The following BICD1 variants were observed in gnomAD, a reference collection of about 807,000 sequenced individuals.
BICD1 encodes protein bicaudal D homolog 1.
Under a neutral mutation model 92.5 loss-of-function variants are expected in BICD1, and 35 were observed. That is an observed-to-expected ratio of 0.38 (90% confidence interval 0.29 to 0.50). BICD1 has a LOEUF of 0.50. Among genes scored for constraint, BICD1 ranks in the 20% least tolerant of loss-of-function variants. The pLI is 0.93. For synonymous variants in BICD1, 429 were observed against 465.1 expected (o/e 0.92, Z 1.00); for missense variants, 950 against 1,189.8 (o/e 0.80, Z 2.97).
intron 2 of BICD1, among the ~76,000 whole-genome samples, chr12:32,285,134 C>T (rs1355102801): frequency 1.3e-5 from 2 of 152,150 alleles, no homozygotes; most frequent in Non-Finnish European, 2.9e-5. Context: ...CCTCTATCTC[C>T]ATTTAGTTAA....
chr12:32,304,060 C>T (rs1054436435), intron 3 of BICD1, among the ~76,000 whole-genome samples: 3 of 150,144 alleles, frequency 2.0e-5, no homozygotes, highest in East Asian at 1.9e-4. Context: ...GGCGACAGAG[C>T]GAGACTCCGT....
chr12:32,259,799 T>C (rs1313890586), intron 2 of BICD1, among the ~76,000 whole-genome samples: 1 of 152,166 alleles, frequency 6.6e-6, no homozygotes, highest in Non-Finnish European at 1.5e-5. Flanking sequence ...AGTCAATATT[T>C]GTGAACAAGA....
intron 4 of BICD1, among the ~76,000 whole-genome samples, chr12:32,308,965 AT>A (rs963804751): frequency 3.3e-5 from 5 of 151,486 alleles, no homozygotes; most frequent in Non-Finnish European, 7.4e-5. Context: ...CTAACTGTAA[AT>A]TTTTTTTTAG....
chr12:32,166,122 A>ATTTT (rs2121512822), intron 1 of BICD1, among the ~76,000 whole-genome samples: 1 of 30,814 alleles, frequency 3.2e-5, no homozygotes, highest in African/African-American at 7.3e-5. Context: ...TTATTTATTT[A>ATTTT]TTTATTTATT....
chr12:32,232,082 T>C (rs1012004472), intron 2 of BICD1, among the ~76,000 whole-genome samples: 15 of 151,616 alleles, frequency 9.9e-5, no homozygotes, highest in Admixed American at 9.2e-4. Flanking sequence ...GCCTGATTTA[T>C]AGTCCTTTGG....
At chr12:32,112,745 G>A (rs1441678695) in intron 1 of BICD1, among the ~76,000 whole-genome samples, 1 of 152,172 alleles carries the variant, frequency 6.6e-6, no homozygotes, top group Non-Finnish European at 1.5e-5. Context: ...TCTTGGGGAT[G>A]TGGAGCCATT....
chr12:32,342,204 GTATATATATATATATATA>G (rs3075972), intron 8 of BICD1, among the ~76,000 whole-genome samples: 1 of 119,302 alleles, frequency 8.4e-6, no homozygotes, highest in Admixed American at 9.2e-5. Flanking sequence ...GTGTGTGTGT[GTATATATATATATATATA>G]TATATATATA....
chr12:32,168,020 G>A (rs1151013), intron 1 of BICD1, among the ~76,000 whole-genome samples: 21,128 of 151,978 alleles, frequency 0.14, 1,711 homozygotes, highest in East Asian at 0.22. Context: ...GTGTGTGTGT[G>A]TGTGTGTGTG....
At chr12:32,340,464 T>A (rs1052626817) in intron 8 of BICD1, 7 of 985,292 alleles carry the variant, frequency 7.1e-6, no homozygotes, top group Non-Finnish European at 8.4e-6. Flanking sequence ...AGTCTTCTTT[T>A]TAGTGTTCCA....
intron 9 of BICD1, 28 bp from the exon 10 acceptor site, chr12:32,377,512 T>A: frequency 6.3e-7 from 1 of 1,588,200 alleles, no homozygotes; most frequent in Non-Finnish European, 8.6e-7. Flanking sequence ...ATGTGTTTCT[T>A]GCTGACGTGC....
At chr12:32,327,417 G>C in intron 4 of BICD1, 44 bp from the exon 5 acceptor site, 1 of 1,548,186 alleles carries the variant, frequency 6.5e-7, no homozygotes, top group South Asian at 1.3e-5. Flanking sequence ...TTCATCATTG[G>C]TGCTGCCTTG....
intron 1 of BICD1, among the ~76,000 whole-genome samples, chr12:32,138,484 T>C (rs1432658306): frequency 1.3e-5 from 2 of 152,242 alleles, no homozygotes; most frequent in African/African-American, 4.8e-5. Flanking sequence ...TTAACGATGG[T>C]TCATCTTAAT....
At chr12:32,178,469 C>T (rs1003164110) in intron 1 of BICD1, among the ~76,000 whole-genome samples, 51 of 151,882 alleles carry the variant, frequency 3.4e-4, no homozygotes, top group African/African-American at 1.2e-3. Flanking sequence ...ACAGGCTCGG[C>T]CCCAGTTCTT....
At chr12:32,135,021 T>TCCTCCTCTCC (rs1942677367) in intron 1 of BICD1, among the ~76,000 whole-genome samples, 1 of 46,290 alleles carries the variant, frequency 2.2e-5, no homozygotes, top group Non-Finnish European at 4.9e-5. Flanking sequence ...GGTGAATGAG[T>TCCTCCTCTCC]CCTCCTCTCC....
intron 6 of BICD1, among the ~76,000 whole-genome samples, chr12:32,336,986 G>A (rs1938156451): frequency 6.6e-6 from 1 of 152,228 alleles, no homozygotes; most frequent in African/African-American, 2.4e-5. Flanking sequence ...GCTCATGCCA[G>A]TAATCCCAGC....
chr12:32,311,236 G>T (rs1472771313), intron 4 of BICD1, among the ~76,000 whole-genome samples: 2 of 152,136 alleles, frequency 1.3e-5, no homozygotes, highest in Non-Finnish European at 2.9e-5. Flanking sequence ...GGTGGCTCAC[G>T]CCTGTAATCC....
At chr12:32,223,728 G>T (rs995428537) in intron 2 of BICD1, among the ~76,000 whole-genome samples, 2 of 152,074 alleles carry the variant, frequency 1.3e-5, no homozygotes, top group African/African-American at 4.8e-5. Context: ...ACTTAACTTG[G>T]CTAATTTGGC....
chr12:32,171,083 C>T (rs1216987842), intron 1 of BICD1, among the ~76,000 whole-genome samples: 1 of 152,210 alleles, frequency 6.6e-6, no homozygotes, highest in East Asian at 1.9e-4. Flanking sequence ...TTATGATAGA[C>T]CGTTCTTAGA....
intron 8 of BICD1, among the ~76,000 whole-genome samples, chr12:32,349,891 T>C (rs1938790650): frequency 6.6e-6 from 1 of 152,202 alleles, no homozygotes; most frequent in African/African-American, 2.4e-5. Flanking sequence ...GGATTTGATA[T>C]CTAAAAAAGT....
Sources: allele counts gnomAD v4.1 joint callset (sites outside exome capture counted in the v4.1 genomes callset), GRCh38; gene constraint gnomAD v4.1.1; transcripts MANE v1.5; gene names NCBI Gene and HGNC (gene_info 2026-07-23, HGNC 2026-07-21).